ZZZ3: variants seen among roughly 807,000 people sequenced by gnomAD.
ZZZ3 encodes the protein ZZ-type zinc finger-containing protein 3.
In ZZZ3, 22 loss-of-function variants were observed where a neutral mutation model predicts 95.2. The ratio of observed to expected loss-of-function variants is 0.23; its 90% CI spans 0.17 to 0.33. ZZZ3 has a LOEUF of 0.33. Among genes scored for constraint, ZZZ3 ranks in the 10% least tolerant of loss-of-function variants. The pLI, the probability that ZZZ3 is intolerant of heterozygous loss-of-function variation, is 1.00. For synonymous variants in ZZZ3, 335 were observed against 358.9 expected (o/e 0.93, Z 0.75); for missense variants, 885 against 1,066.5 (o/e 0.83, Z 2.37).
At chr1:77,630,046 G>A (rs943670907) in intron 5 of ZZZ3, among the ~76,000 whole-genome samples, 3 of 152,106 alleles carry the variant, frequency 2.0e-5, no homozygotes, top group Admixed American at 1.3e-4. Context: ...AACGAGTCAA[G>A]ACTAAAACAA....
chr1:77,663,735 T>C (rs1049395651), intron 1 of ZZZ3, among the ~76,000 whole-genome samples: 5 of 152,006 alleles, frequency 3.3e-5, no homozygotes, highest in East Asian at 1.9e-4. Context: ...CCTAATAATA[T>C]ACAATCAGTA....
chr1:77,680,215 G>A (rs542503022), intron 1 of ZZZ3, among the ~76,000 whole-genome samples: 61 of 152,326 alleles, frequency 4.0e-4, no homozygotes, highest in Middle Eastern at 3.4e-3. Context: ...TTTATGACAG[G>A]AAATATCTAG....
chr1:77,594,593 A>C (rs182321830), intron 5 of ZZZ3, among the ~76,000 whole-genome samples: 13 of 152,168 alleles, frequency 8.5e-5, no homozygotes, highest in Admixed American at 8.5e-4. Flanking sequence ...ATAGTTCTAG[A>C]CTATATTTAG....
intron 5 of ZZZ3, among the ~76,000 whole-genome samples, chr1:77,609,275 T>C (rs1297885623): frequency 6.6e-6 from 1 of 152,128 alleles, no homozygotes; most frequent in African/African-American, 2.4e-5. Flanking sequence ...AGACAAAATC[T>C]ATAAAAAGAG....
chr1:77,649,873 CAA>C (rs796963092), intron 1 of ZZZ3, among the ~76,000 whole-genome samples: 5 of 116,654 alleles, frequency 4.3e-5, no homozygotes, highest in African/African-American at 3.2e-5. Flanking sequence ...AACTCCATCT[CAA>C]AAAAAAAAAA....
chr1:77,649,656 G>A (rs1669621148), intron 1 of ZZZ3, among the ~76,000 whole-genome samples: 1 of 152,140 alleles, frequency 6.6e-6, no homozygotes, highest in Non-Finnish European at 1.5e-5. Context: ...GCCAAGGTGG[G>A]CGGATCACCT....
chr1:77,596,097 A>C (rs1177935216), intron 5 of ZZZ3, among the ~76,000 whole-genome samples: 1 of 152,068 alleles, frequency 6.6e-6, no homozygotes, highest in East Asian at 1.9e-4. Context: ...ATTCCCTAGA[A>C]CTAGATAAAC....
intron 12 of ZZZ3, among the ~76,000 whole-genome samples, chr1:77,573,081 A>G (rs1293114819): frequency 6.6e-6 from 1 of 152,056 alleles, no homozygotes; most frequent in African/African-American, 2.4e-5. Flanking sequence ...TACCTCTTAA[A>G]TAATTATGTT....
rs957311086 is a variant in ZZZ3, at chr1:77,564,951, A to G, written c.*689T>C. 6.5e-6 allele frequency: 1 copy of G among 152,682 alleles called. No homozygotes were observed. Among genetic ancestry groups the G allele is most frequent in the African/African-American group, 2.4e-5 (1 of 41,472 alleles). The allele number at this position is 152,682 out of a possible 1,614,324, so 9.5% of individuals were successfully genotyped here. On this transcript the variant is annotated 3_prime_UTR_variant, in exon 15 of 15. Transcript: ENST00000370801. ...ACATCACATGATCATCTTATATAAC[A>G]TTACATTTAAAAAATATATCTGAGT...
intron 5 of ZZZ3, among the ~76,000 whole-genome samples, chr1:77,595,787 T>C (rs372331109): frequency 2.6e-5 from 4 of 152,020 alleles, no homozygotes; most frequent in South Asian, 2.1e-4. Context: ...AAGAAAGCTA[T>C]GTAGCTGACG....
intron 5 of ZZZ3, among the ~76,000 whole-genome samples, chr1:77,586,978 T>C (rs1663142385): frequency 6.6e-6 from 1 of 152,196 alleles, no homozygotes; most frequent in South Asian, 2.1e-4. Context: ...CAAGGCAAGA[T>C]TCAATTTTTC....
chr1:77,587,701 T>C (rs989396949), intron 5 of ZZZ3, among the ~76,000 whole-genome samples: 10 of 152,100 alleles, frequency 6.6e-5, no homozygotes, highest in African/African-American at 1.9e-4. Context: ...TGAGAAACAA[T>C]GTAAGATGAA....
chr1:77,646,202 A>C (rs1336149651), intron 1 of ZZZ3, among the ~76,000 whole-genome samples: 1 of 151,968 alleles, frequency 6.6e-6, no homozygotes, highest in Non-Finnish European at 1.5e-5. Context: ...CCTTCTAATT[A>C]GTCTAAGTTT....
rs768572562 is a variant in ZZZ3, at chr1:77,562,664, C to T, written c.*2976G>A. On this transcript the variant is annotated 3_prime_UTR_variant, in exon 15 of 15. Transcript: ENST00000370801. ...GCACCCAACATGCATAGAAGAAAAT[C>T]CTACCCAAGGCAGGAAACACAAGCC... 1.3e-5 allele frequency: 2 copies of T among 152,176 alleles called. No individual in the cohort carries two copies. Among genetic ancestry groups the T allele is most frequent in the Non-Finnish European group, 2.9e-5 (2 of 68,036 alleles). The allele number at this position is 152,176 out of a possible 1,614,324, so 9.4% of individuals were successfully genotyped here. A position where few individuals can be genotyped will look rare whatever the true frequency, so the allele number is the denominator to read the frequency against.
chr1:77,647,755 C>T (rs1473456209), intron 1 of ZZZ3, among the ~76,000 whole-genome samples: 4 of 152,138 alleles, frequency 2.6e-5, no homozygotes, highest in African/African-American at 9.7e-5. Flanking sequence ...AGGCATAACA[C>T]CACACGTGGC....
intron 5 of ZZZ3, among the ~76,000 whole-genome samples, chr1:77,621,274 G>C (rs950927343): frequency 2.0e-5 from 3 of 151,828 alleles, no homozygotes; most frequent in Non-Finnish European, 2.9e-5. Flanking sequence ...GACACCCAAA[G>C]TTCGTGACCA....
upstream of ZZZ3, chr1:77,683,383 C>T (rs900861415): frequency 1.3e-5 from 2 of 152,236 alleles, no homozygotes; most frequent in Non-Finnish European, 2.9e-5. Flanking sequence ...ATAGCGGCGC[C>T]GCGGCGCTTC....
At chr1:77,614,054 C>A (rs1159868306) in intron 5 of ZZZ3, among the ~76,000 whole-genome samples, 1 of 152,130 alleles carries the variant, frequency 6.6e-6, no homozygotes, top group Non-Finnish European at 1.5e-5. Context: ...AAATGCATCT[C>A]TCAGCTAAGG....
chr1:77,609,096 C>T (rs188821991), intron 5 of ZZZ3, among the ~76,000 whole-genome samples: 15 of 151,840 alleles, frequency 9.9e-5, no homozygotes, highest in South Asian at 2.1e-4. Flanking sequence ...ACTGGCTGAA[C>T]GGATGAAAAA....
Sources: allele counts gnomAD v4.1 joint callset (sites outside exome capture counted in the v4.1 genomes callset), GRCh38; gene constraint gnomAD v4.1.1; transcripts MANE v1.5; gene names NCBI Gene and HGNC (gene_info 2026-07-23, HGNC 2026-07-21).